Variants in NSMAF observed in about 807,000 individuals in gnomAD.
The protein encoded by NSMAF is protein FAN.
In NSMAF, 90 loss-of-function variants were observed where a neutral mutation model predicts 134.9. That is an observed-to-expected ratio of 0.67 (90% CI 0.56 to 0.79). The LOEUF (loss-of-function observed/expected upper bound fraction) is 0.79, where lower values mean the gene tolerates loss of function less well. Ranked by LOEUF, NSMAF falls within the 30% of genes least tolerant of loss-of-function variation. The pLI, the probability that NSMAF is intolerant of heterozygous loss-of-function variation, is 0.00. For synonymous variants in NSMAF, 358 were observed against 389.6 expected, an observed-to-expected ratio of 0.92 and a Z score of 0.96; for missense variants, 1,010 against 1,119.0, an observed-to-expected ratio of 0.90 and a Z score of 1.39.
intron 1 of NSMAF, among the ~76,000 whole-genome samples, chr8:58,646,574 G>A (rs1269232083): frequency 6.6e-6 from 1 of 152,106 alleles, no homozygotes; most frequent in Non-Finnish European, 1.5e-5. Context: ...CATATTGTTT[G>A]AAGTAAAGGA....
At chr8:58,619,183 ACG>A (rs1334311511) in intron 9 of NSMAF, among the ~76,000 whole-genome samples, 1 of 152,190 alleles carries the variant, frequency 6.6e-6, no homozygotes, top group African/African-American at 2.4e-5. Context: ...AATAAAATTA[ACG>A]CTATATAGTG....
chr8:58,659,083 C>T (rs1346948381), intron 1 of NSMAF: 1 of 775,212 alleles, frequency 1.3e-6, no homozygotes, highest in East Asian at 4.2e-5. Flanking sequence ...TGGGTGGTCG[C>T]CGGCCTGCTC....
chr8:58,636,166 AAATAG>A (rs1316658742), intron 2 of NSMAF, among the ~76,000 whole-genome samples: 1 of 152,240 alleles, frequency 6.6e-6, no homozygotes, highest in Non-Finnish European at 1.5e-5. Context: ...AAACATATAC[AAATAG>A]AATAGAAAAC....
chr8:58,610,535 T>C (rs1290718460), intron 9 of NSMAF, among the ~76,000 whole-genome samples: 1 of 152,214 alleles, frequency 6.6e-6, no homozygotes, highest in Non-Finnish European at 1.5e-5. Context: ...CTGAACAATC[T>C]TCATAGCTTT....
Position 58,598,453 on chromosome 8 carries a change from C to T in NSMAF, c.1586-551G>A, listed in dbSNP as rs1806187650. ...AGTGAGCCAAGACTGCACCACTGCA[C>T]TCCAGCCTGGGTGACAGAGCAAGAC... On this transcript the variant is annotated intron_variant, in intron 19 of 30. Coordinates refer to ENST00000038176, the MANE Select transcript of NSMAF (RefSeq NM_003580.4). Among the ~76,000 whole-genome samples the T allele has an allele frequency of 4.3e-5, 6 of 140,758 alleles. No homozygotes were observed. The South Asian group carries it at 1.3e-3, about 31-fold the overall frequency. The allele number at this position is 140,758 out of a possible 152,430, so 92.3% of individuals were successfully genotyped here.
At chr8:58,605,177 G>T (rs1208978590) in intron 12 of NSMAF, among the ~76,000 whole-genome samples, 1 of 152,090 alleles carries the variant, frequency 6.6e-6, no homozygotes, top group Non-Finnish European at 1.5e-5. Flanking sequence ...ATTTTCTCTG[G>T]CAAAGGTGGG....
Position 58,609,727 on chromosome 8 carries a change from T to C in NSMAF, c.564A>G (p.Gln188=), listed in dbSNP as rs1236084726. Residue 188 remains glutamine, a synonymous_variant, in exon 10 of 31, where the codon CAA becomes CAG. Coordinates refer to ENST00000038176, the MANE Select transcript of NSMAF (RefSeq NM_003580.4). Reference sequence around the variant, plus strand: ...CCATGTGCAGCTTTTCAGAAATGTTTTGGAACCTGAAAATAGGTTTTTCAG... The same window carrying C: ...CCATGTGCAGCTTTTCAGAAATGTTCTGGAACCTGAAAATAGGTTTTTCAG... ...ARTSFDKNRF[Q]NISEKLHMEC... The C allele has an allele frequency of 6.2e-7, 1 of 1,613,896 alleles. No homozygotes were observed. Among genetic ancestry groups the C allele is most frequent in the Non-Finnish European group, 8.5e-7 (1 of 1,179,984 alleles).
chr8:58,591,394 T>C (rs1288707450), intron 23 of NSMAF, among the ~76,000 whole-genome samples: 1 of 151,484 alleles, frequency 6.6e-6, no homozygotes, highest in African/African-American at 2.4e-5. Context: ...ACATTAGTTA[T>C]AGAAGGGAAC....
intron 16 of NSMAF, chr8:58,601,021 G>T (rs1806266646): frequency 3.4e-6 from 1 of 297,384 alleles, no homozygotes; most frequent in Non-Finnish European, 6.2e-6. Flanking sequence ...TCATTGTTTT[G>T]AAGAATATCT....
rs550595497 is a variant in NSMAF, at chr8:58,617,104, C to T, written c.557+6116G>A. Among the ~76,000 whole-genome samples, 19 of 151,966 alleles carry T rather than the reference C, an allele frequency of 1.3e-4. 1 individual carries two copies. The highest frequency in any genetic ancestry group is 2.2e-4 in the Non-Finnish European group (15 of 67,990). On this transcript the variant is annotated intron_variant, in intron 9 of 30. Coordinates refer to ENST00000038176, the MANE Select transcript of NSMAF (RefSeq NM_003580.4). ...GTTCTTCTTAAATCTACAATCATTACAAAATAAAGTAATTTAAGGAAGACT... is the reference window on the plus strand; with the variant it reads ...GTTCTTCTTAAATCTACAATCATTATAAAATAAAGTAATTTAAGGAAGACT...
intron 9 of NSMAF, among the ~76,000 whole-genome samples, chr8:58,610,095 A>C (rs1195955545): frequency 6.6e-6 from 1 of 152,182 alleles, no homozygotes; most frequent in Non-Finnish European, 1.5e-5. Context: ...TCATCCTATA[A>C]ACCATTTTGA....
chr8:58,602,273 T>C (rs1485235427), intron 13 of NSMAF, 136 bp from the exon 14 acceptor site: 1 of 606,040 alleles, frequency 1.7e-6, no homozygotes, highest in Non-Finnish European at 2.7e-6. Flanking sequence ...TTATTTTTGT[T>C]AGTTATTTAT....
chr8:58,601,100 A>C, intron 16 of NSMAF, 185 bp downstream of exon 16: 1 of 495,666 alleles, frequency 2.0e-6, no homozygotes, highest in Non-Finnish European at 3.5e-6. Context: ...CTGTACATAA[A>C]ATATGTTCTC....
intron 10 of NSMAF, 121 bp downstream of exon 10, chr8:58,609,483 G>A (rs951079066): frequency 7.8e-6 from 7 of 892,672 alleles, no homozygotes; most frequent in African/African-American, 1.7e-5. Flanking sequence ...GCCTGTGAAG[G>A]GGGTGGGCAG....
intron 12 of NSMAF, among the ~76,000 whole-genome samples, chr8:58,603,611 T>C (rs1806337452): frequency 6.6e-6 from 1 of 152,194 alleles, no homozygotes; most frequent in Non-Finnish European, 1.5e-5. Context: ...GCTATTACAC[T>C]ACCCTCCACA....
intron 9 of NSMAF, among the ~76,000 whole-genome samples, chr8:58,612,195 G>A (rs1806543710): frequency 6.6e-6 from 1 of 152,188 alleles, no homozygotes; most frequent in Non-Finnish European, 1.5e-5. Context: ...AAGCCCTGAT[G>A]AGAGGCTTAG....
At chr8:58,627,052 A>C (rs1806949039) in intron 6 of NSMAF, among the ~76,000 whole-genome samples, 1 of 151,360 alleles carries the variant, frequency 6.6e-6, no homozygotes, top group Admixed American at 6.6e-5. Flanking sequence ...TCTTGATGGG[A>C]TTATTTGTTT....
In NSMAF at chr8:58,609,693, C is replaced by G. The variant is rs113493388; in HGVS notation, c.598G>C (p.Ala200Pro). The G allele has an allele frequency of 3.1e-6, 5 of 1,614,084 alleles. No individual in the cohort carries two copies. The African/African-American group carries it at 5.3e-5, about 17-fold the overall frequency. Residue 200 changes from alanine (A) to proline (P), a missense_variant, in exon 10 of 31, where the codon GCA becomes CCA. Ala to Pro is a conservative substitution (Grantham distance 27, BLOSUM62 -1). Coordinates refer to ENST00000038176, the MANE Select transcript of NSMAF (RefSeq NM_003580.4). Reference sequence around the variant, plus strand: ...GTCACCAGAGGCGTCACCATTTCTGCTTTGCATTCCATGTGCAGCTTTTCA... The same window carrying G: ...GTCACCAGAGGCGTCACCATTTCTGGTTTGCATTCCATGTGCAGCTTTTCA... The part of the protein sequence containing the change: ...ISEKLHMECK[A>P]EMVTPLVTNP...
intron 5 of NSMAF, among the ~76,000 whole-genome samples, chr8:58,633,165 T>C (rs1807094326): frequency 6.6e-6 from 1 of 152,198 alleles, no homozygotes; most frequent in Non-Finnish European, 1.5e-5. Flanking sequence ...TTATTCTAAG[T>C]CCTTACCTTG....
Sources: gnomAD v4.1 joint callset for allele counts (sites outside exome capture counted in the v4.1 genomes callset) on GRCh38, gnomAD v4.1.1 for gene constraint, MANE v1.5 for transcripts, NCBI Gene and HGNC (gene_info 2026-07-23, HGNC 2026-07-21) for gene names.